Variants in ARHGEF4 observed in about 807,000 individuals in gnomAD.
The protein encoded by ARHGEF4 is APC-stimulated guanine nucleotide exchange factor 1.
ARHGEF4 carries 119 observed loss-of-function variants against 162.0 expected under a neutral mutation model. That is an observed-to-expected ratio of 0.73 (90% CI 0.63 to 0.86). The LOEUF is 0.86. Among genes scored for constraint, ARHGEF4 ranks in the 40% least tolerant of loss-of-function variants. The pLI, the probability that ARHGEF4 is intolerant of heterozygous loss-of-function variation, is 0.00. For synonymous variants in ARHGEF4, 1,014 were observed against 979.9 expected, an observed-to-expected ratio of 1.03 and a Z score of -0.65; for missense variants, 2,488 against 2,456.0, an observed-to-expected ratio of 1.01 and a Z score of -0.28.
chr2:131,002,831 G>T (rs371856626), intron 4 of ARHGEF4, among the ~76,000 whole-genome samples: 124 of 151,414 alleles, frequency 8.2e-4, no homozygotes, highest in African/African-American at 3.0e-3. Context: ...ATGAACTGTT[G>T]GTCGGCTTCC....
chr2:130,977,120 GT>G (rs1192624425), intron 4 of ARHGEF4, among the ~76,000 whole-genome samples: 1 of 151,500 alleles, frequency 6.6e-6, no homozygotes, highest in Non-Finnish European at 1.5e-5. Flanking sequence ...TGTATGTGAT[GT>G]GTTTGTGTGA....
chr2:131,016,008 G>A (rs961518155), intron 4 of ARHGEF4, among the ~76,000 whole-genome samples: 2 of 152,078 alleles, frequency 1.3e-5, no homozygotes, highest in Admixed American at 6.5e-5. Flanking sequence ...TGCATGCCAG[G>A]GCTCCCCGGG....
intron 1 of ARHGEF4, among the ~76,000 whole-genome samples, chr2:130,898,977 G>A (rs1034724965): frequency 2.6e-5 from 4 of 152,044 alleles, no homozygotes; most frequent in African/African-American, 7.2e-5. Context: ...CTTCTTGCCC[G>A]AGCGTGGAAT....
intron 1 of ARHGEF4, among the ~76,000 whole-genome samples, chr2:130,851,142 G>A (rs1049973091): frequency 3.3e-5 from 5 of 152,390 alleles, no homozygotes; most frequent in Admixed American, 6.5e-5. Flanking sequence ...GCTGTGGAGC[G>A]GAGAAGTGCC....
At chr2:130,952,809 T>C (rs1444896862) in intron 4 of ARHGEF4, among the ~76,000 whole-genome samples, 6 of 152,036 alleles carry the variant, frequency 3.9e-5, no homozygotes, top group South Asian at 2.1e-4. Flanking sequence ...TTCACAATTG[T>C]TACAAAGAGA....
intron 5 of ARHGEF4, among the ~76,000 whole-genome samples, chr2:131,036,331 C>T (rs1170110158): frequency 6.6e-6 from 1 of 152,258 alleles, no homozygotes; most frequent in Non-Finnish European, 1.5e-5. Flanking sequence ...GAGTGGGAGG[C>T]TGTGCAGAAG....
At chr2:130,920,053 G>A (rs761918733) in intron 2 of ARHGEF4, among the ~76,000 whole-genome samples, 1 of 152,120 alleles carries the variant, frequency 6.6e-6, no homozygotes, top group Non-Finnish European at 1.5e-5. Flanking sequence ...GCACACACCT[G>A]GACAGCCTGC....
At chr2:130,849,893 A>C (rs536761285) in intron 1 of ARHGEF4, among the ~76,000 whole-genome samples, 18 of 152,320 alleles carry the variant, frequency 1.2e-4, no homozygotes, top group African/African-American at 7.2e-5. Context: ...AAACGGTATA[A>C]TACTTGTGAA....
chr2:130,889,527 T>A (rs1169913339), intron 1 of ARHGEF4, among the ~76,000 whole-genome samples: 1 of 151,906 alleles, frequency 6.6e-6, no homozygotes, highest in Non-Finnish European at 1.5e-5. Context: ...TAAATGTACT[T>A]ACAGGCTGGG....
At chr2:131,028,333 G>T (rs1199055597) in intron 5 of ARHGEF4, among the ~76,000 whole-genome samples, 1 of 152,176 alleles carries the variant, frequency 6.6e-6, no homozygotes, top group Non-Finnish European at 1.5e-5. Context: ...CAGCGTGCTG[G>T]TCCACCTTAT....
chr2:130,902,411 T>C (rs1291030141), intron 1 of ARHGEF4, among the ~76,000 whole-genome samples: 3 of 151,990 alleles, frequency 2.0e-5, no homozygotes, highest in South Asian at 4.2e-4. Context: ...CTGGCTAACA[T>C]GGTAAAACCC....
intron 4 of ARHGEF4, among the ~76,000 whole-genome samples, chr2:131,017,782 G>A (rs1688860548): frequency 6.6e-6 from 1 of 152,148 alleles, no homozygotes; most frequent in Admixed American, 6.5e-5. Flanking sequence ...AGAACTGAAA[G>A]AAATCAAAGA....
intron 3 of ARHGEF4, among the ~76,000 whole-genome samples, chr2:130,938,344 A>G (rs894302182): frequency 3.9e-5 from 6 of 152,102 alleles, no homozygotes; most frequent in African/African-American, 1.2e-4. Context: ...TTTTTTTGCT[A>G]CTTTTAAATT....
At chr2:131,018,567 T>A (rs532603785) in intron 4 of ARHGEF4, among the ~76,000 whole-genome samples, 30 of 152,336 alleles carry the variant, frequency 2.0e-4, no homozygotes, top group Non-Finnish European at 3.4e-4. Flanking sequence ...TCTCTCTTGA[T>A]ACTGTCCTTT....
chr2:131,040,243 AACC>A lies in ARHGEF4; in HGVS notation c.4483-15_4483-13del, dbSNP rs765515796. ...CTGGGGACCCGGTCGGGGGAGGCCTAACCACGTCCGCCCGCAGGGCTACGTCCG... is the reference window on the plus strand; with the variant it reads ...CTGGGGACCCGGTCGGGGGAGGCCTAACGTCCGCCCGCAGGGCTACGTCCG... On this transcript the variant is annotated splice_polypyrimidine_tract_variant and intron_variant, in intron 7 of 13. Transcript: ENST00000409359. 1 of 1,611,568 alleles carries A rather than the reference AACC, an allele frequency of 6.2e-7. No individual in the cohort carries two copies. Among genetic ancestry groups the A allele is most frequent in the Non-Finnish European group, 8.5e-7 (1 of 1,179,026 alleles).
chr2:131,041,694 A>G, intron 9 of ARHGEF4, 121 bp from the exon 10 acceptor site: 1 of 1,371,952 alleles, frequency 7.3e-7, no homozygotes, highest in Non-Finnish European at 9.9e-7. Flanking sequence ...TCTGATAGTG[A>G]GGATGTGGTC....
chr2:130,967,848 A>G (rs971481998), intron 4 of ARHGEF4, among the ~76,000 whole-genome samples: 1 of 152,256 alleles, frequency 6.6e-6, no homozygotes. Context: ...AAGAGCACTT[A>G]GAGCAGAGGC....
At chr2:131,026,084 C>G (rs1689459759) in intron 4 of ARHGEF4, among the ~76,000 whole-genome samples, 1 of 152,178 alleles carries the variant, frequency 6.6e-6, no homozygotes, top group South Asian at 2.1e-4. Flanking sequence ...ACCCAGCTAT[C>G]TAGAATCTCA....
chr2:130,962,822 G>T (rs530830019), intron 4 of ARHGEF4, among the ~76,000 whole-genome samples: 1 of 152,050 alleles, frequency 6.6e-6, no homozygotes, highest in African/African-American at 2.4e-5. Flanking sequence ...GGCGGGGAGG[G>T]GGGCAGTAAG....
Sources: allele counts gnomAD v4.1 joint callset (sites outside exome capture counted in the v4.1 genomes callset), GRCh38; gene constraint gnomAD v4.1.1; transcripts MANE v1.5; gene names NCBI Gene and HGNC (gene_info 2026-07-23, HGNC 2026-07-21).